ATXN1: variants seen among roughly 807,000 people sequenced by gnomAD.
ATXN1 encodes ataxin-1.
In ATXN1, 8 loss-of-function variants were observed where a neutral mutation model predicts 56.4. The ratio of observed to expected loss-of-function variants is 0.14; its 90% CI spans 0.08 to 0.26. The LOEUF (loss-of-function observed/expected upper bound fraction) is 0.26. ATXN1 is among the 10% of genes least tolerant of loss of function. The pLI is 1.00. For missense variants in ATXN1, 987 were observed against 1,106.5 expected (o/e 0.89, Z 1.53); for synonymous variants, 514 against 494.6 (o/e 1.04, Z -0.52).
chr6:16,412,345 C>T (rs187989223), intron 6 of ATXN1, among the ~76,000 whole-genome samples: 1 of 152,084 alleles, frequency 6.6e-6, no homozygotes, highest in African/African-American at 2.4e-5. Flanking sequence ...CCTGCGTGTC[C>T]CTTATCATCT....
At chr6:16,731,264 A>T (rs912158910) in intron 2 of ATXN1, among the ~76,000 whole-genome samples, 1 of 152,036 alleles carries the variant, frequency 6.6e-6, no homozygotes, top group African/African-American at 2.4e-5. Flanking sequence ...CCGTTCTAAG[A>T]TAAGACCCGT....
intron 3 of ATXN1, among the ~76,000 whole-genome samples, chr6:16,647,156 C>T (rs1763813554): frequency 6.6e-6 from 1 of 152,184 alleles, no homozygotes; most frequent in Non-Finnish European, 1.5e-5. Context: ...AGGCACCTGC[C>T]ACCACGCCCG....
chr6:16,340,204 A>G (rs1200216219), intron 6 of ATXN1, among the ~76,000 whole-genome samples: 1 of 152,198 alleles, frequency 6.6e-6, no homozygotes, highest in Non-Finnish European at 1.5e-5. Context: ...TGGATGGAGT[A>G]ACAATGTGAT....
chr6:16,424,298 C>A (rs562728546), intron 6 of ATXN1, among the ~76,000 whole-genome samples: 3 of 152,138 alleles, frequency 2.0e-5, no homozygotes, highest in Non-Finnish European at 2.9e-5. Flanking sequence ...TGTGTGCATG[C>A]GCATGAATGG....
intron 4 of ATXN1, among the ~76,000 whole-genome samples, chr6:16,579,170 G>A: frequency 6.6e-6 from 1 of 152,154 alleles, no homozygotes; most frequent in East Asian, 1.9e-4. Context: ...TTGCCTTTGT[G>A]CATGAACAGA....
rs971714054 is a variant in ATXN1, at chr6:16,756,015, C to T, written c.-729-2668G>A. Among the ~76,000 whole-genome samples the T allele has an allele frequency of 5.3e-5, 8 of 151,964 alleles. No homozygotes were observed. The East Asian group carries it at 9.6e-4, about 18-fold the overall frequency. ...TTTGTCCATAATTGTTCTCTCTAAA[C>T]GTGTTTTGGTACATTTGGGATGGTA... On this transcript the variant is annotated intron_variant, in intron 1 of 7. Coordinates refer to ENST00000436367, the MANE Select transcript of ATXN1 (RefSeq NM_001128164.2).
At chr6:16,713,078 T>G (rs879460902) in intron 2 of ATXN1, among the ~76,000 whole-genome samples, 10 of 152,172 alleles carry the variant, frequency 6.6e-5, no homozygotes, top group Non-Finnish European at 1.3e-4. Context: ...CCTCTCTGAG[T>G]CATCCCTTCC....
intron 3 of ATXN1, among the ~76,000 whole-genome samples, chr6:16,637,195 T>A (rs1363813914): frequency 6.6e-5 from 10 of 152,246 alleles, no homozygotes; most frequent in South Asian, 4.1e-4. Flanking sequence ...TGTCCTTTGT[T>A]GGGACATGGA....
rs1761023522 is a variant in ATXN1, at chr6:16,760,007, G to GTCACTCACACAC, written c.-730+1279_-730+1290dup. On this transcript the variant is annotated intron_variant, in intron 1 of 7. Transcript: ENST00000436367. The surrounding 1 kb of genome is among the most constrained non-coding windows in gnomAD (Gnocchi z 5.3). ...GCGCGCGCACAAATACACACACACA[G>GTCACTCACACAC]TCACTCACACACTCACTCACACTCA... is the stretch of plus-strand genomic sequence containing the variant. Among the ~76,000 whole-genome samples, 1 of 151,356 alleles carries GTCACTCACACAC rather than the reference G, an allele frequency of 6.6e-6. No homozygotes were observed. The highest frequency in any genetic ancestry group is 1.5e-5 in the Non-Finnish European group (1 of 67,760).
chr6:16,319,680 G>A (rs547202709), intron 7 of ATXN1, among the ~76,000 whole-genome samples: 1 of 152,200 alleles, frequency 6.6e-6, no homozygotes, highest in Non-Finnish European at 1.5e-5. Context: ...AGGGAAAACT[G>A]TTAGGTGTGT....
rs988920673 is a variant in ATXN1, at chr6:16,328,750, A to C, written c.-160-280T>G. On this transcript the variant is annotated intron_variant, in intron 6 of 7. Transcript: ENST00000436367. This position sits in a 1 kb window ranked among gnomAD's most constrained non-coding sequence, Gnocchi z 6.2. Reference sequence around the variant, plus strand: ...ATGGTGAAACCCCGTCTCTACCAAAAATAAAAAATAAAAAACAAATTTAGC... The same window carrying C: ...ATGGTGAAACCCCGTCTCTACCAAACATAAAAAATAAAAAACAAATTTAGC... 2.6e-5 allele frequency among the ~76,000 whole-genome samples: 4 copies of C among 152,158 alleles called. No individual in the cohort carries two copies. The highest frequency in any genetic ancestry group is 2.1e-4 in the South Asian group (1 of 4,828).
chr6:16,741,355 A>C (rs1760334382), intron 2 of ATXN1, among the ~76,000 whole-genome samples: 1 of 152,222 alleles, frequency 6.6e-6, no homozygotes, highest in Non-Finnish European at 1.5e-5. Flanking sequence ...CAGACTGCAG[A>C]ATACCATCAA....
intron 2 of ATXN1, among the ~76,000 whole-genome samples, chr6:16,688,808 T>A (rs1324332675): frequency 6.6e-6 from 1 of 152,136 alleles, no homozygotes; most frequent in Non-Finnish European, 1.5e-5. Context: ...TGAAATCAAG[T>A]TTAGTAACTT....
intron 2 of ATXN1, among the ~76,000 whole-genome samples, chr6:16,693,332 T>C (rs1759088819): frequency 6.6e-6 from 1 of 152,172 alleles, no homozygotes; most frequent in African/African-American, 2.4e-5. Flanking sequence ...TCCTCATCTG[T>C]AAAAATGGGA....
chr6:16,648,578 T>C (rs908400135), intron 3 of ATXN1, among the ~76,000 whole-genome samples: 11 of 152,234 alleles, frequency 7.2e-5, no homozygotes, highest in Non-Finnish European at 1.6e-4. Context: ...GTATATTTCA[T>C]GATGGATCTT....
At chr6:16,333,114 A>C (rs1761029198) in intron 6 of ATXN1, among the ~76,000 whole-genome samples, 1 of 152,210 alleles carries the variant, frequency 6.6e-6, no homozygotes, top group Admixed American at 6.5e-5. Context: ...CTCGGAGATA[A>C]ACATCTAATA....
At chr6:16,415,549 C>T (rs764298055) in intron 6 of ATXN1, among the ~76,000 whole-genome samples, 2 of 152,186 alleles carry the variant, frequency 1.3e-5, no homozygotes, top group Non-Finnish European at 2.9e-5. Context: ...ATTATTTCAA[C>T]ACAGAAGTCC....
At chr6:16,588,785 A>G (rs1334820415) in intron 3 of ATXN1, among the ~76,000 whole-genome samples, 2 of 152,160 alleles carry the variant, frequency 1.3e-5, no homozygotes, top group African/African-American at 2.4e-5. Context: ...TGAGCCAAAG[A>G]AGGAGGGAAG....
At chr6:16,421,222 T>C (rs1484612685) in intron 6 of ATXN1, among the ~76,000 whole-genome samples, 5 of 152,126 alleles carry the variant, frequency 3.3e-5, no homozygotes, top group African/African-American at 7.2e-5. Flanking sequence ...TTTTATCTAA[T>C]AGAGTGTGAG....
Sources: gnomAD v4.1 joint callset for allele counts (sites outside exome capture counted in the v4.1 genomes callset) on GRCh38, gnomAD v4.1.1 for gene constraint, Gnocchi (gnomAD v3.1) non-coding constraint, MANE v1.5 for transcripts, NCBI Gene and HGNC (gene_info 2026-07-23, HGNC 2026-07-21) for gene names.